The following PDE4D variants were observed in gnomAD, a reference collection of about 807,000 sequenced individuals.
PDE4D encodes the protein phosphodiesterase 4D, also known as 3',5'-cyclic-AMP phosphodiesterase 4D.
PDE4D carries 24 observed loss-of-function variants against 87.4 expected under a neutral mutation model. The observed-to-expected ratio is 0.27, with a 90% CI of 0.20 to 0.39. The LOEUF (loss-of-function observed/expected upper bound fraction) is 0.39, where lower values mean the gene tolerates loss of function less well. PDE4D is among the 10% of genes least tolerant of loss of function. The pLI, the probability that PDE4D is intolerant of heterozygous loss-of-function variation, is 1.00. For synonymous variants in PDE4D, 384 were observed against 383.2 expected, an observed-to-expected ratio of 1.00 and a Z score of -0.02; for missense variants, 714 against 1,041.0, an observed-to-expected ratio of 0.69 and a Z score of 4.32.
At chr5:59,019,694 A>C (rs1408232049) in intron 6 of PDE4D, among the ~76,000 whole-genome samples, 1 of 152,206 alleles carries the variant, frequency 6.6e-6, no homozygotes, top group African/African-American at 2.4e-5. Context: ...TCAGTATTCA[A>C]GATCCAGCTT....
intron 1 of PDE4D, among the ~76,000 whole-genome samples, chr5:59,390,065 T>C (rs983967785): frequency 6.6e-6 from 1 of 152,116 alleles, no homozygotes; most frequent in Non-Finnish European, 1.5e-5. Context: ...GATTTGATCA[T>C]CACACATTGT....
intron 11 of PDE4D, among the ~76,000 whole-genome samples, chr5:58,985,918 A>C (rs1354281938): frequency 6.6e-6 from 1 of 152,066 alleles, no homozygotes; most frequent in Non-Finnish European, 1.5e-5. Context: ...AGCCAAACCA[A>C]ACTAACTAAG....
chr5:59,896,559 G>C (rs1751679045), upstream of PDE4D, among the ~76,000 whole-genome samples: 1 of 152,172 alleles, frequency 6.6e-6, no homozygotes, highest in Non-Finnish European at 1.5e-5. Context: ...TCACTACCCT[G>C]CCTAGACAAA....
At chr5:59,321,621 G>A (rs1245797887) in intron 1 of PDE4D, among the ~76,000 whole-genome samples, 3 of 152,068 alleles carry the variant, frequency 2.0e-5, no homozygotes, top group Admixed American at 2.0e-4. Context: ...TCTATGAGAT[G>A]GTGTGAAAAG....
intron 1 of PDE4D, among the ~76,000 whole-genome samples, chr5:59,528,088 G>C (rs1217765373): frequency 6.6e-6 from 1 of 152,138 alleles, no homozygotes; most frequent in African/African-American, 2.4e-5. Flanking sequence ...TTTGAAAAGA[G>C]GGAACAAAAC....
intron 1 of PDE4D, chr5:59,529,291 AAATT>A (rs777474228): frequency 5.4e-5 from 19 of 350,796 alleles, no homozygotes; most frequent in East Asian, 1.4e-4. Context: ...TTGCTTAAAT[AAATT>A]GTCTATTAAT....
At chr5:59,862,269 C>T (rs536971491) in intron 1 of PDE4D, among the ~76,000 whole-genome samples, 2 of 152,254 alleles carry the variant, frequency 1.3e-5, no homozygotes, top group South Asian at 2.1e-4. Flanking sequence ...AACCTGTTTG[C>T]TTTTTAAAAA....
intron 5 of PDE4D, among the ~76,000 whole-genome samples, chr5:59,081,575 C>T (rs1249972188): frequency 6.9e-6 from 1 of 145,170 alleles, no homozygotes; most frequent in Non-Finnish European, 1.5e-5. Flanking sequence ...TAAGTTCAAA[C>T]TTTCTATAGG....
At chr5:60,496,514 C>T (rs1405225593) in intron 1 of PDE4D, among the ~76,000 whole-genome samples, 1 of 152,074 alleles carries the variant, frequency 6.6e-6, no homozygotes, top group East Asian at 1.9e-4. Context: ...TATTCAAAAG[C>T]CCACTTAGCT....
intron 5 of PDE4D, among the ~76,000 whole-genome samples, chr5:59,109,649 T>C (rs1000202718): frequency 6.6e-6 from 1 of 152,174 alleles, no homozygotes; most frequent in Admixed American, 6.5e-5. Flanking sequence ...CCAGCTCATA[T>C]TAATCCTTTC....
At chr5:59,989,534 T>C (rs1229235911) in intron 2 of PDE4D, among the ~76,000 whole-genome samples, 1 of 152,102 alleles carries the variant, frequency 6.6e-6, no homozygotes. Flanking sequence ...GATATACTCT[T>C]GCCAATTTTT....
chr5:59,870,482 CCTTTT>C (rs990456716), intron 1 of PDE4D, among the ~76,000 whole-genome samples: 3 of 152,294 alleles, frequency 2.0e-5, no homozygotes, highest in Non-Finnish European at 4.4e-5. Flanking sequence ...ATTACAGACT[CCTTTT>C]CTTTTAACGT....
At chr5:59,692,611 T>C (rs958267717) in intron 1 of PDE4D, among the ~76,000 whole-genome samples, 1 of 152,144 alleles carries the variant, frequency 6.6e-6, no homozygotes, top group Non-Finnish European at 1.5e-5. Context: ...CAAACATCAG[T>C]ATGGTTATCT....
chr5:59,701,511 C>T (rs1202044860), intron 1 of PDE4D, among the ~76,000 whole-genome samples: 1 of 152,186 alleles, frequency 6.6e-6, no homozygotes. Context: ...TGAATGAATG[C>T]TTTTCTCTAG....
intron 1 of PDE4D, among the ~76,000 whole-genome samples, chr5:59,576,038 T>C (rs1269012721): frequency 6.6e-6 from 1 of 152,182 alleles, no homozygotes; most frequent in Non-Finnish European, 1.5e-5. Flanking sequence ...AAGATCTAGG[T>C]TGGAAGTGGC....
At chr5:60,059,730 C>T (rs976269548) in intron 2 of PDE4D, among the ~76,000 whole-genome samples, 2 of 151,950 alleles carry the variant, frequency 1.3e-5, no homozygotes, top group African/African-American at 4.8e-5. Flanking sequence ...TAGAAATAGC[C>T]ACTATCCAAC....
chr5:59,662,244 T>A (rs976461145), intron 1 of PDE4D, among the ~76,000 whole-genome samples: 3 of 152,188 alleles, frequency 2.0e-5, no homozygotes, highest in African/African-American at 7.2e-5. Context: ...AGAAAATACT[T>A]TGGCTGGAAA....
chr5:60,433,584 G>A (rs1350849247), intron 1 of PDE4D, among the ~76,000 whole-genome samples: 1 of 152,150 alleles, frequency 6.6e-6, no homozygotes, highest in Non-Finnish European at 1.5e-5. Context: ...TGTACCCAAA[G>A]GAATATAAAT....
At chr5:59,574,020 A>ATATATAAAAATATATATATATATATATT (rs1822373478) in intron 1 of PDE4D, among the ~76,000 whole-genome samples, 1 of 111,442 alleles carries the variant, frequency 9.0e-6, no homozygotes, top group Non-Finnish European at 1.8e-5. Flanking sequence ...ATATATATAT[A>ATATATAAAAATATATATATATATATATT]TATATATAAA....
Sources: gnomAD v4.1 joint callset for allele counts (sites outside exome capture counted in the v4.1 genomes callset) on GRCh38, gnomAD v4.1.1 for gene constraint, MANE v1.5 for transcripts, NCBI Gene and HGNC (gene_info 2026-07-23, HGNC 2026-07-21) for gene names.